The following SLFN12L variants were observed in gnomAD, a reference collection of about 807,000 sequenced individuals.
The protein encoded by SLFN12L is schlafen family member 12-like.
A neutral mutation model predicts 34.8 loss-of-function variants in SLFN12L; 34 were observed. The ratio of observed to expected loss-of-function variants is 0.98; its 90% CI spans 0.74 to 1.30. The LOEUF (loss-of-function observed/expected upper bound fraction) is 1.30. Ranked by LOEUF, SLFN12L falls within the 50% of genes most tolerant of loss-of-function variation. The probability of loss-of-function intolerance (pLI) is 0.00; values close to 1 mark genes in which losing one functional copy is unlikely to be tolerated. For synonymous variants in SLFN12L, 259 were observed against 247.5 expected, an observed-to-expected ratio of 1.05 and a Z score of -0.44; for missense variants, 703 against 696.2, an observed-to-expected ratio of 1.01 and a Z score of -0.11.
At chr17:35,515,162 C>A in intron 2 of SLFN12L, 1 of 623,380 alleles carries the variant, frequency 1.6e-6, no homozygotes, top group Non-Finnish European at 3.1e-6. Flanking sequence ...AATACTCCAG[C>A]GGCGATGGCT....
At chr17:35,490,245 G>A in intron 2 of SLFN12L, 2 of 1,547,470 alleles carry the variant, frequency 1.3e-6, no homozygotes, top group East Asian at 2.2e-5. Flanking sequence ...GGAGAAAGCG[G>A]TCATCAGTAC....
rs181934873 is a variant in SLFN12L, at chr17:35,519,623, T to A, written c.86+2656A>T. ...CAATCCCCACCCTTTGAGTGTGAAC[T>A]GCACTTATGACACCTGAGGGAGGAA... On this transcript the variant is annotated intron_variant, in intron 2 of 4. Coordinates refer to ENST00000628453, the MANE Select transcript of SLFN12L (RefSeq NM_001363830.2). Among the ~76,000 whole-genome samples, 36 of 152,330 alleles carry A rather than the reference T, an allele frequency of 2.4e-4. 1 individual carries two copies. The highest frequency in any genetic ancestry group is 8.2e-4 in the African/African-American group (34 of 41,582).
At chr17:35,535,490 T>TC (rs2072451657) in intron 1 of SLFN12L, among the ~76,000 whole-genome samples, 2 of 140,048 alleles carry the variant, frequency 1.4e-5, no homozygotes, top group African/African-American at 5.2e-5. Context: ...CACCCAGCCT[T>TC]TTTTTTTTTT....
intron 2 of SLFN12L, among the ~76,000 whole-genome samples, chr17:35,492,964 A>C (rs1250212215): frequency 2.7e-5 from 2 of 75,350 alleles, no homozygotes; most frequent in African/African-American, 9.6e-5. Flanking sequence ...TAGGGGAAAA[A>C]AAAAACACAC....
chr17:35,518,023 C>A (rs1915885575), intron 2 of SLFN12L, among the ~76,000 whole-genome samples: 1 of 152,144 alleles, frequency 6.6e-6, no homozygotes, highest in Admixed American at 6.5e-5. Flanking sequence ...GCAATTGCAA[C>A]AAAAGCTAAA....
chr17:35,524,629 G>A (rs2072316406), intron 1 of SLFN12L, among the ~76,000 whole-genome samples: 1 of 152,264 alleles, frequency 6.6e-6, no homozygotes, highest in Non-Finnish European at 1.5e-5. Flanking sequence ...CTGCAGCAGA[G>A]GGGCCTGACT....
chr17:35,475,912 CAT>C (rs57543961), intron 4 of SLFN12L, among the ~76,000 whole-genome samples: 8 of 146,190 alleles, frequency 5.5e-5, no homozygotes, highest in Admixed American at 4.1e-4. Flanking sequence ...AAAAATTCTA[CAT>C]ATATATATAT....
chr17:35,481,351 G>T lies in SLFN12L; in HGVS notation c.87-1156C>A, dbSNP rs765202214. Among the ~76,000 whole-genome samples the T allele has an allele frequency of 5.2e-4, 79 of 152,348 alleles. No homozygotes were observed. In the Middle Eastern group the frequency reaches 0.027, roughly 52 times the overall value. ...CCCGCAGCCATCTGGAGGCCTAACC[G>T]TCTCCCTGTGATGCTGTGCTTCAGT... On this transcript the variant is annotated intron_variant, in intron 2 of 4. Coordinates refer to ENST00000628453, the MANE Select transcript of SLFN12L (RefSeq NM_001363830.2).
rs1009486840 is a variant in SLFN12L, at chr17:35,522,918, G to A, written c.-554C>T. The A allele has an allele frequency of 1.6e-6, 1 of 637,472 alleles. No homozygotes were observed. The highest frequency in any genetic ancestry group is 2.8e-6 in the Non-Finnish European group (1 of 358,302). The allele number at this position is 637,472 out of a possible 1,614,324, so 39.5% of individuals were successfully genotyped here. A position where few individuals can be genotyped will look rare whatever the true frequency, so the allele number is the denominator to read the frequency against. On this transcript the variant is annotated 5_prime_UTR_variant, in exon 2 of 5. Transcript: ENST00000628453. Reference sequence around the variant, plus strand: ...CTCCTCTAATCCTTCATTCTGTGAGGACAGCTCCTTCCAGAGGGATTCCAG... The same window carrying A: ...CTCCTCTAATCCTTCATTCTGTGAGAACAGCTCCTTCCAGAGGGATTCCAG...
In SLFN12L at chr17:35,513,692, T is replaced by C. The variant is rs116771902; in HGVS notation, c.86+8587A>G. On this transcript the variant is annotated intron_variant, in intron 2 of 4. Coordinates refer to ENST00000628453, the MANE Select transcript of SLFN12L (RefSeq NM_001363830.2). ...GGTCTTCAGTCACAAGGTCACACCT[T>C]ACTTTCATTGTTTAACAGGATAAAT... 4.4e-3 allele frequency among the ~76,000 whole-genome samples: 673 copies of C among 152,366 alleles called. 6 individuals carry two copies. Among genetic ancestry groups the C allele is most frequent in the African/African-American group, 0.016 (646 of 41,582 alleles).
At chr17:35,507,636 GC>G (rs571975049) in intron 2 of SLFN12L, among the ~76,000 whole-genome samples, 133 of 152,272 alleles carry the variant, frequency 8.7e-4, no homozygotes, top group Admixed American at 3.0e-3. Flanking sequence ...TGATCCTGGG[GC>G]CATGTTTGAA....
At chr17:35,484,660 A>G (rs1294420177) in intron 2 of SLFN12L, among the ~76,000 whole-genome samples, 1 of 152,232 alleles carries the variant, frequency 6.6e-6, no homozygotes, top group African/African-American at 2.4e-5. Flanking sequence ...CCTCATGGCT[A>G]GGTCCTATTC....
In SLFN12L at chr17:35,515,029, G is replaced by T. The variant is rs1264327826; in HGVS notation, c.86+7250C>A. The stretch of plus-strand genomic sequence containing the variant: ...TCTTTAAGGTCAGCTAACTTGGAAA[G>T]CTCAACTCACTCCTCGGCCAGCTTC... On this transcript the variant is annotated intron_variant, in intron 2 of 4. Transcript: ENST00000628453. 3 of 540,994 alleles carry T rather than the reference G, an allele frequency of 5.5e-6. No individual in the cohort carries two copies. The Admixed American group carries it at 6.7e-5, about 12-fold the overall frequency. The allele number at this position is 540,994 out of a possible 1,614,324, so 33.5% of individuals were successfully genotyped here. A position where few individuals can be genotyped will look rare whatever the true frequency, so the allele number is the denominator to read the frequency against.
chr17:35,518,528 G>A (rs369511272), intron 2 of SLFN12L, among the ~76,000 whole-genome samples: 3 of 144,956 alleles, frequency 2.1e-5, no homozygotes, highest in Admixed American at 1.4e-4. Flanking sequence ...TCCAGCCTGG[G>A]AGACAGAGTG....
At chr17:35,516,166 T>C (rs962336053) in intron 2 of SLFN12L, among the ~76,000 whole-genome samples, 1 of 152,178 alleles carries the variant, frequency 6.6e-6, no homozygotes, top group African/African-American at 2.4e-5. Context: ...ACTATTTCCC[T>C]TAGTTGTCCT....
rs1913768047 is a variant in SLFN12L, at chr17:35,469,326, A to ATT, written c.*5596_*5597insAA. 9.8e-6 allele frequency among the ~76,000 whole-genome samples: 1 copy of ATT among 101,672 alleles called. No individual in the cohort carries two copies. The highest frequency in any genetic ancestry group is 4.5e-4 in the South Asian group (1 of 2,212). 66.7% of individuals were successfully genotyped at this position (101,672 alleles called of 152,430 possible). The stretch of plus-strand genomic sequence containing the variant: ...TAAAATATATATATATTATATATAT[A>ATT]AATATATATATAATATATATATATA... On this transcript the variant is annotated 3_prime_UTR_variant, in exon 5 of 5. Transcript: ENST00000628453.
At chr17:35,509,848 C>T (rs931051635) in intron 2 of SLFN12L, among the ~76,000 whole-genome samples, 1 of 152,048 alleles carries the variant, frequency 6.6e-6, no homozygotes, top group African/African-American at 2.4e-5. Flanking sequence ...CAGGTGCCTG[C>T]CACCACGCCT....
intron 2 of SLFN12L, among the ~76,000 whole-genome samples, chr17:35,482,607 G>T (rs1232862504): frequency 6.6e-6 from 1 of 152,220 alleles, no homozygotes; most frequent in African/African-American, 2.4e-5. Context: ...CACTCTTGGG[G>T]CCTGAGAAGA....
At chr17:35,530,422 GAAGGAAGGGAAGGGAAGGGAA>G (rs1160748823) in intron 1 of SLFN12L, among the ~76,000 whole-genome samples, 28 of 9,560 alleles carry the variant, frequency 2.9e-3, no homozygotes, top group East Asian at 8.4e-3. Context: ...AGGAAGGAAG[GAAGGAAGGGAAGGGAAGGGAA>G]GAAAGAAAGA....
Sources: gnomAD v4.1 joint callset for allele counts (sites outside exome capture counted in the v4.1 genomes callset) on GRCh38, gnomAD v4.1.1 for gene constraint, MANE v1.5 for transcripts, NCBI Gene and HGNC (gene_info 2026-07-23, HGNC 2026-07-21) for gene names.